Variants in RIMBP2 observed in about 807,000 individuals in gnomAD.
RIMBP2 encodes RIMS-binding protein 2.
A neutral mutation model predicts 118.6 loss-of-function variants in RIMBP2; 48 were observed. The observed-to-expected ratio is 0.40, with a 90% CI of 0.32 to 0.51. RIMBP2 has a LOEUF of 0.51. RIMBP2 is among the 20% of genes least tolerant of loss of function. RIMBP2 has a pLI of 0.41. For missense variants in RIMBP2, 1,551 were observed against 1,768.3 expected (o/e 0.88, Z 2.20); for synonymous variants, 762 against 742.9 (o/e 1.03, Z -0.42).
intron 2 of RIMBP2, among the ~76,000 whole-genome samples, chr12:130,618,167 G>A (rs1026665498): frequency 1.4e-4 from 21 of 151,994 alleles, no homozygotes; most frequent in Admixed American, 3.9e-4. Context: ...GTAACTATGC[G>A]TCAATGCCAG....
chr12:130,456,619 G>T lies in RIMBP2; in HGVS notation c.235C>A (p.Arg79=). 2 of 1,613,628 alleles carry T rather than the reference G, an allele frequency of 1.2e-6. No individual in the cohort carries two copies. The highest frequency in any genetic ancestry group is 2.7e-5 in the African/African-American group (2 of 75,036). The change falls in exon 7 of 23, where the codon CGG becomes AGG. Residue 79 remains arginine (R), a synonymous_variant. Transcript: ENST00000690449. ...NLLSRDLEKF[R]QHAGKIDLLG... ...AGGTCAATCTTGCCAGCGTGCTGCC[G>T]GAACTTCTCCAGGTCCCGGGACAGC...
In RIMBP2 at chr12:130,446,892, T is replaced by C. The variant is rs1020330878; in HGVS notation, c.582-1623A>G. Among the ~76,000 whole-genome samples, 7 of 151,004 alleles carry C rather than the reference T, an allele frequency of 4.6e-5. No homozygotes were observed. The highest frequency in any genetic ancestry group is 1.3e-4 in the Admixed American group (2 of 15,114). On this transcript the variant is annotated intron_variant, in intron 9 of 22. Transcript: ENST00000690449. This position sits in a 1 kb window ranked among gnomAD's most constrained non-coding sequence, Gnocchi z 4.1. ...GGTCGGGGAGTGACTTAGGAGGCTG[T>C]GGAAATGCGGGTTGCCTGGCTGCAG...
intron 1 of RIMBP2, among the ~76,000 whole-genome samples, chr12:130,649,322 C>G (rs959768601): frequency 9.1e-6 from 1 of 109,538 alleles, no homozygotes; most frequent in Non-Finnish European, 2.4e-5. Flanking sequence ...GAGGCCGCTC[C>G]GCTCCATGCA....
intron 8 of RIMBP2, 89 bp downstream of exon 8, chr12:130,451,106 G>A: frequency 7.1e-7 from 1 of 1,405,948 alleles, no homozygotes. Flanking sequence ...AGGAAGATGG[G>A]GAAGAAAAAA....
At chr12:130,653,870 G>C (rs2063325141) in intron 1 of RIMBP2, among the ~76,000 whole-genome samples, 1 of 152,248 alleles carries the variant, frequency 6.6e-6, no homozygotes, top group Admixed American at 6.5e-5. Flanking sequence ...TGAGGCTGGA[G>C]TCAGAGTGCC....
At chr12:130,421,652 A>C (rs548508756) in intron 17 of RIMBP2, among the ~76,000 whole-genome samples, 1 of 150,558 alleles carries the variant, frequency 6.6e-6, no homozygotes, top group African/African-American at 2.5e-5. Flanking sequence ...GTTTCTCCTC[A>C]TCTATTTCTG....
In RIMBP2 at chr12:130,422,096, C is replaced by G. The variant is rs570458884; in HGVS notation, c.3238+357G>C. On this transcript the variant is annotated intron_variant, in intron 17 of 22. Coordinates refer to ENST00000690449, the MANE Select transcript of RIMBP2 (RefSeq NM_001393629.1). The surrounding 1 kb of genome is among the most constrained non-coding windows in gnomAD (Gnocchi z 5.2). ...GGGGCTCACAGACCCCTGAGGCACG[C>G]TGACATCCAGCTTCTGCACCTGCCA... is the stretch of plus-strand genomic sequence containing the variant. Among the ~76,000 whole-genome samples the G allele has an allele frequency of 6.6e-6, 1 of 152,296 alleles. No individual in the cohort carries two copies. The highest frequency in any genetic ancestry group is 2.1e-4 in the South Asian group (1 of 4,824).
At chr12:130,559,038 T>G (rs572320564) in intron 2 of RIMBP2, among the ~76,000 whole-genome samples, 7 of 152,162 alleles carry the variant, frequency 4.6e-5, no homozygotes, top group Non-Finnish European at 1.0e-4. Context: ...GTTTTTTAGA[T>G]TTTATTTTTA....
chr12:130,610,715 C>T (rs889182168), intron 2 of RIMBP2, among the ~76,000 whole-genome samples: 9 of 151,414 alleles, frequency 5.9e-5, no homozygotes, highest in Non-Finnish European at 1.3e-4. Flanking sequence ...CGCCCGCTAC[C>T]ACGCCCGGCT....
chr12:130,542,275 G>A (rs2054690143), intron 2 of RIMBP2, among the ~76,000 whole-genome samples: 1 of 149,224 alleles, frequency 6.7e-6, no homozygotes, highest in African/African-American at 2.4e-5. Flanking sequence ...GGGTTTTGGA[G>A]AAGCAGCAGG....
intron 2 of RIMBP2, among the ~76,000 whole-genome samples, chr12:130,531,654 C>T (rs1042304119): frequency 1.3e-4 from 20 of 152,176 alleles, no homozygotes; most frequent in Admixed American, 6.5e-4. Flanking sequence ...CTTGGAGGCA[C>T]ATGTACATGT....
intron 1 of RIMBP2, among the ~76,000 whole-genome samples, chr12:130,637,227 G>A (rs931503038): frequency 9.2e-5 from 14 of 152,086 alleles, no homozygotes; most frequent in Non-Finnish European, 1.9e-4. Flanking sequence ...AAGCCCCACC[G>A]CATCTCCCCA....
chr12:130,438,338 C>CG, intron 12 of RIMBP2, 27 bp downstream of exon 12: 29 of 1,266,796 alleles, frequency 2.3e-5, no homozygotes, highest in Non-Finnish European at 3.2e-5. Context: ...CTAACAAACC[C>CG]TCCCCACCCA....
intron 2 of RIMBP2, among the ~76,000 whole-genome samples, chr12:130,588,771 G>A (rs971175677): frequency 3.9e-5 from 6 of 152,134 alleles, no homozygotes; most frequent in African/African-American, 7.2e-5. Context: ...CATGAATATC[G>A]GTTCATTCCC....
At chr12:130,640,370 C>G (rs574741111) in intron 1 of RIMBP2, among the ~76,000 whole-genome samples, 28 of 152,334 alleles carry the variant, frequency 1.8e-4, no homozygotes, top group African/African-American at 6.7e-4. Context: ...TGGAACCTTC[C>G]ATCACAGATT....
chr12:130,448,232 A>C (rs1461514560), intron 9 of RIMBP2, among the ~76,000 whole-genome samples: 2 of 152,186 alleles, frequency 1.3e-5, no homozygotes, highest in African/African-American at 4.8e-5. Flanking sequence ...CGGGAGAGGC[A>C]GATGTGCTGG....
At chr12:130,534,860 T>C (rs561339287) in intron 2 of RIMBP2, among the ~76,000 whole-genome samples, 1 of 152,354 alleles carries the variant, frequency 6.6e-6, no homozygotes, top group Non-Finnish European at 1.5e-5. Flanking sequence ...GGAGAGTGTC[T>C]ATCTGTCTAG....
At chr12:130,646,043 C>G (rs865919241) in intron 1 of RIMBP2, among the ~76,000 whole-genome samples, 1 of 137,892 alleles carries the variant, frequency 7.3e-6, no homozygotes, top group African/African-American at 2.5e-5. Flanking sequence ...AGCCAGTTCC[C>G]TCTCCACCTC....
chr12:130,528,292 G>T (rs749665690), intron 2 of RIMBP2, among the ~76,000 whole-genome samples: 1 of 152,194 alleles, frequency 6.6e-6, no homozygotes, highest in South Asian at 2.1e-4. Flanking sequence ...CATGTCCTTT[G>T]CAGGGACATG....
Sources: allele counts gnomAD v4.1 joint callset (sites outside exome capture counted in the v4.1 genomes callset), GRCh38; gene constraint gnomAD v4.1.1; non-coding constraint Gnocchi (gnomAD v3.1); transcripts MANE v1.5; gene names NCBI Gene and HGNC (gene_info 2026-07-23, HGNC 2026-07-21).